FAM219A: variants seen among roughly 807,000 people sequenced by gnomAD.
The protein encoded by FAM219A is family with sequence similarity 219 member A.
A neutral mutation model predicts 23.4 loss-of-function variants in FAM219A; 7 were observed. The observed-to-expected ratio is 0.30, with a 90% confidence interval of 0.17 to 0.56. The LOEUF is 0.56. Ranked by LOEUF, FAM219A falls within the 20% of genes least tolerant of loss-of-function variation. FAM219A has a pLI of 0.92. For synonymous variants in FAM219A, 93 were observed against 99.0 expected, an observed-to-expected ratio of 0.94 and a Z score of 0.36; for missense variants, 166 against 246.9, an observed-to-expected ratio of 0.67 and a Z score of 2.20.
At chr9:34,409,851 GT>G (rs1369693910) in intron 1 of FAM219A, among the ~76,000 whole-genome samples, 14 of 151,926 alleles carry the variant, frequency 9.2e-5, no homozygotes, top group African/African-American at 3.4e-4. Flanking sequence ...CAACTTTTTG[GT>G]TGGAGAAAAG....
chr9:34,431,400 G>C (rs894394395), intron 1 of FAM219A, among the ~76,000 whole-genome samples: 1 of 152,152 alleles, frequency 6.6e-6, no homozygotes, highest in African/African-American at 2.4e-5. Context: ...GCATATACAT[G>C]CATGCCAGAT....
chr9:34,456,658 G>A (rs1823740971), intron 1 of FAM219A, among the ~76,000 whole-genome samples: 1 of 152,188 alleles, frequency 6.6e-6, no homozygotes, highest in Non-Finnish European at 1.5e-5. Flanking sequence ...CCAGCCCAAA[G>A]TCCTTCTTTA....
chr9:34,402,344 G>C (rs757386450), intron 4 of FAM219A, 43 bp downstream of exon 4: 12 of 1,614,044 alleles, frequency 7.4e-6, no homozygotes, highest in Middle Eastern at 3.3e-4. Context: ...TGCTATACAG[G>C]TTCCTTTGGG....
intron 1 of FAM219A, among the ~76,000 whole-genome samples, chr9:34,441,961 T>C (rs1823190796): frequency 6.6e-6 from 1 of 152,202 alleles, no homozygotes; most frequent in African/African-American, 2.4e-5. Context: ...TGGCCTCAAG[T>C]GATCCTCCTG....
chr9:34,458,476 A>G lies in FAM219A; in HGVS notation c.-213T>C. On this transcript the variant is annotated 5_prime_UTR_variant, in exon 1 of 6. Coordinates refer to ENST00000651358, the MANE Select transcript of FAM219A (RefSeq NM_001184940.2). The surrounding 1 kb of genome is among the most constrained non-coding windows in gnomAD (Gnocchi z 6.6). ...GCGTGACTCCGTGGGCTTGCCTAGC[A>G]CTACCGCGGCTGTGGCCGGGCCGAG... The G allele has an allele frequency of 2.6e-6, 1 of 384,578 alleles. No individual in the cohort carries two copies. Among genetic ancestry groups the G allele is most frequent in the Non-Finnish European group, 4.6e-6 (1 of 215,664 alleles). The allele number at this position is 384,578 out of a possible 1,614,324, so 23.8% of individuals were successfully genotyped here.
At position 34,458,154 on chromosome 9, in the gene FAM219A, T is replaced by G; in HGVS notation, c.60+50A>C. 8 of 1,285,938 alleles carry G rather than the reference T, an allele frequency of 6.2e-6. No individual in the cohort carries two copies. The highest frequency in any genetic ancestry group is 1.4e-5 in the South Asian group (1 of 72,128). 79.7% of individuals were successfully genotyped at this position (1,285,938 alleles called of 1,614,324 possible). ...CCCGGCCTGATTCCCTCCCTCCCCC[T>G]CAAGCGACGCCCCCTCCGGCCTTGG... is the stretch of plus-strand genomic sequence containing the variant. On this transcript the variant is annotated intron_variant, in intron 1 of 5. Transcript: ENST00000651358. The surrounding 1 kb of genome is among the most constrained non-coding windows in gnomAD (Gnocchi z 6.6).
chr9:34,412,136 C>T (rs568199324), intron 1 of FAM219A, among the ~76,000 whole-genome samples: 4 of 152,106 alleles, frequency 2.6e-5, no homozygotes, highest in Admixed American at 6.5e-5. Context: ...AAGGACCCTC[C>T]GATAGCCATG....
intron 1 of FAM219A, among the ~76,000 whole-genome samples, chr9:34,411,283 C>T (rs1286907248): frequency 3.3e-5 from 5 of 152,120 alleles, no homozygotes; most frequent in African/African-American, 9.7e-5. Flanking sequence ...GGCATGCTGG[C>T]ATGCACCTGT....
In FAM219A at chr9:34,401,773, C is replaced by T; in HGVS notation, c.345-53G>A. 3.2e-6 allele frequency: 5 copies of T among 1,574,728 alleles called. No homozygotes were observed. In the South Asian group the frequency reaches 5.8e-5, roughly 18 times the overall value. On this transcript the variant is annotated intron_variant, in intron 4 of 5. Transcript: ENST00000651358. Reference sequence around the variant, plus strand: ...TGATACCAAGAAATTACATAGAAAACTCTCTGCAATCCCACCTCCCATTAG... The same window carrying T: ...TGATACCAAGAAATTACATAGAAAATTCTCTGCAATCCCACCTCCCATTAG...
Position 34,400,994 on chromosome 9 carries a change from G to A in FAM219A, c.528C>T (p.Ala176=), listed in dbSNP as rs1821402822. 1 of 1,569,238 alleles carries A rather than the reference G, an allele frequency of 6.4e-7. No individual in the cohort carries two copies. The highest frequency in any genetic ancestry group is 8.7e-7 in the Non-Finnish European group (1 of 1,153,782). Residue 176 remains alanine (A), a synonymous_variant, in exon 6 of 6, where the codon GCC becomes GCT. Coordinates refer to ENST00000651358, the MANE Select transcript of FAM219A (RefSeq NM_001184940.2). ...GAATGTGGCAGGCGGTGGAGGACGT[G>A]GCCTGGCAGCACATGCACGTGGGGT... ...SVNPTCMCCQ[A]TSSTACHIQ is the part of the protein sequence containing the mutation.
intron 1 of FAM219A, among the ~76,000 whole-genome samples, chr9:34,416,228 AAAGAAAG>A (rs1410000572): frequency 3.1e-4 from 42 of 136,006 alleles, no homozygotes; most frequent in Admixed American, 2.7e-3. Context: ...AGAAAGAAAG[AAAGAAAG>A]AAAGAAAGAA....
intron 1 of FAM219A, among the ~76,000 whole-genome samples, chr9:34,452,640 C>T (rs1823598346): frequency 6.6e-6 from 1 of 152,194 alleles, no homozygotes; most frequent in South Asian, 2.1e-4. Context: ...ATCTCTCATC[C>T]ACCACTAACC....
intron 2 of FAM219A, among the ~76,000 whole-genome samples, chr9:34,403,343 G>A (rs1159545012): frequency 2.0e-5 from 3 of 152,230 alleles, no homozygotes; most frequent in Non-Finnish European, 2.9e-5. Flanking sequence ...GTCTGGTCCT[G>A]TGCTAAGGGG....
rs558663814 is a variant in FAM219A, at chr9:34,427,073, G to A, written c.61-21109C>T. Among the ~76,000 whole-genome samples, 6 of 152,160 alleles carry A rather than the reference G, an allele frequency of 3.9e-5. No homozygotes were observed. The East Asian group carries it at 1.2e-3, about 29-fold the overall frequency. On this transcript the variant is annotated intron_variant, in intron 1 of 5. Transcript: ENST00000651358. ...CCCCAGGCTTACTAGTTTGCACACT[G>A]GTCTTCTTTACTCCTGATGGGGTAT...
At chr9:34,444,276 T>C (rs1405580760) in intron 1 of FAM219A, among the ~76,000 whole-genome samples, 2 of 152,184 alleles carry the variant, frequency 1.3e-5, no homozygotes, top group Non-Finnish European at 2.9e-5. Flanking sequence ...GAGAATGACC[T>C]ATACATTTGG....
chr9:34,447,708 T>C (rs1359615754), intron 1 of FAM219A, among the ~76,000 whole-genome samples: 1 of 152,198 alleles, frequency 6.6e-6, no homozygotes, highest in Non-Finnish European at 1.5e-5. Flanking sequence ...ATGAAATTCA[T>C]GAGATCTTTT....
At chr9:34,439,362 G>T (rs1007424722) in intron 1 of FAM219A, among the ~76,000 whole-genome samples, 1 of 152,156 alleles carries the variant, frequency 6.6e-6, no homozygotes, top group Non-Finnish European at 1.5e-5. Context: ...AATTCATTCA[G>T]TCATTCATTC....
intron 1 of FAM219A, among the ~76,000 whole-genome samples, chr9:34,418,456 A>ATAAGGGCC (rs1330425034): frequency 1.3e-5 from 2 of 152,218 alleles, no homozygotes; most frequent in Admixed American, 1.3e-4. Context: ...AAGCCTGTGC[A>ATAAGGGCC]TAAGGGCCTA....
chr9:34,442,556 G>A (rs1823217169), intron 1 of FAM219A, among the ~76,000 whole-genome samples: 1 of 152,006 alleles, frequency 6.6e-6, no homozygotes, highest in African/African-American at 2.4e-5. Context: ...ATGATAGCAC[G>A]TGCCTGTAAT....
Sources: allele counts gnomAD v4.1 joint callset (sites outside exome capture counted in the v4.1 genomes callset), GRCh38; gene constraint gnomAD v4.1.1; non-coding constraint Gnocchi (gnomAD v3.1); transcripts MANE v1.5; gene names NCBI Gene and HGNC (gene_info 2026-07-23, HGNC 2026-07-21).